The following NHEJ1 variants were observed in gnomAD, a reference collection of about 807,000 sequenced individuals.
NHEJ1 encodes the protein non-homologous end joining factor 1, also known as non-homologous end-joining factor 1.
In NHEJ1, 22 loss-of-function variants were observed where a neutral mutation model predicts 39.4. That is an observed-to-expected ratio of 0.56 (90% CI 0.40 to 0.80). The LOEUF is 0.80. Among genes scored for constraint, NHEJ1 ranks in the 30% least tolerant of loss-of-function variants. The pLI is 0.00. For synonymous variants in NHEJ1, 154 were observed against 135.6 expected, an observed-to-expected ratio of 1.14 and a Z score of -0.94; for missense variants, 329 against 357.1, an observed-to-expected ratio of 0.92 and a Z score of 0.63.
In NHEJ1 at chr2:219,070,127, C is replaced by T. The variant is rs567694808; in HGVS notation, c.*6254G>A. Among the ~76,000 whole-genome samples the T allele has an allele frequency of 7.2e-5, 11 of 152,360 alleles. No homozygotes were observed. In the East Asian group the frequency reaches 2.1e-3, roughly 29 times the overall value. The stretch of plus-strand genomic sequence containing the variant: ...AAACTGCCTGTGTTCAATAAGCCCA[C>T]AATCTGCCACAGCCTCCGGAGTACC... On this transcript the variant is annotated 3_prime_UTR_variant, in exon 8 of 8. Coordinates refer to ENST00000356853, the MANE Select transcript of NHEJ1 (RefSeq NM_024782.3).
At chr2:219,093,732 AGT>A (rs139163051) in intron 5 of NHEJ1, among the ~76,000 whole-genome samples, 3,138 of 152,342 alleles carry the variant, frequency 0.021, 42 homozygotes, top group Middle Eastern at 0.044. Flanking sequence ...GTGGGTATAT[AGT>A]GTTTGCTTTA....
chr2:219,107,301 T>A (rs147723864), intron 5 of NHEJ1, among the ~76,000 whole-genome samples: 1 of 152,144 alleles, frequency 6.6e-6, no homozygotes. Flanking sequence ...AGAAATCGAT[T>A]GATTGAAACC....
At chr2:219,112,779 C>G (rs1004727956) in intron 5 of NHEJ1, among the ~76,000 whole-genome samples, 1 of 152,262 alleles carries the variant, frequency 6.6e-6, no homozygotes, top group Admixed American at 6.5e-5. Context: ...CCTGAAACTT[C>G]GCCCTCTTTT....
At chr2:219,080,585 G>A (rs1157573186) in intron 5 of NHEJ1, among the ~76,000 whole-genome samples, 6 of 68,114 alleles carry the variant, frequency 8.8e-5, no homozygotes, top group Admixed American at 2.9e-4. Context: ...ATATATATAC[G>A]CTTATATATA....
intron 5 of NHEJ1, among the ~76,000 whole-genome samples, chr2:219,120,715 T>C (rs1949463444): frequency 6.6e-6 from 1 of 152,158 alleles, no homozygotes; most frequent in African/African-American, 2.4e-5. Context: ...TTGGGAAATA[T>C]GTGGGGCTCC....
chr2:219,147,555 G>T (rs1949753322), intron 4 of NHEJ1, 102 bp downstream of exon 4: 1 of 1,425,160 alleles, frequency 7.0e-7, no homozygotes, highest in Non-Finnish European at 9.9e-7. Flanking sequence ...CACCCATCCT[G>T]GGGGAGGCAC....
At chr2:219,153,498 G>A (rs1949817475) in intron 3 of NHEJ1, among the ~76,000 whole-genome samples, 1 of 152,212 alleles carries the variant, frequency 6.6e-6, no homozygotes, top group Non-Finnish European at 1.5e-5. Context: ...ACAGGAAAGA[G>A]TAAGAGATGA....
At chr2:219,158,064 A>G (rs929315837) in intron 2 of NHEJ1, 122 bp downstream of exon 2, 3 of 912,180 alleles carry the variant, frequency 3.3e-6, no homozygotes, top group African/African-American at 3.3e-5. Context: ...AAGTACAGGT[A>G]GAAGTACAGG....
intron 5 of NHEJ1, among the ~76,000 whole-genome samples, chr2:219,083,901 G>A (rs990557501): frequency 6.6e-6 from 1 of 152,006 alleles, no homozygotes; most frequent in African/African-American, 2.4e-5. Flanking sequence ...CTGATGATGT[G>A]AAAGTGACAG....
chr2:219,113,322 C>T (rs113681957), intron 5 of NHEJ1, among the ~76,000 whole-genome samples: 47 of 151,914 alleles, frequency 3.1e-4, no homozygotes, highest in Admixed American at 8.5e-4. Context: ...GCACCAAATA[C>T]GTGCTGAAGC....
At chr2:219,083,897 A>G (rs75034171) in intron 5 of NHEJ1, among the ~76,000 whole-genome samples, 2,935 of 152,082 alleles carry the variant, frequency 0.019, 109 homozygotes, top group African/African-American at 0.067. Context: ...TTTACTGATG[A>G]TGTGAAAGTG....
chr2:219,119,638 T>C (rs1949451876), intron 5 of NHEJ1, among the ~76,000 whole-genome samples: 2 of 152,176 alleles, frequency 1.3e-5, no homozygotes, highest in Admixed American at 1.3e-4. Flanking sequence ...CCACCTGCTG[T>C]CCTTTCATGA....
rs191316983 is a variant in NHEJ1 at position 219,082,011 on chromosome 2, G to T, written c.589-3805C>A. 1.4e-3 allele frequency among the ~76,000 whole-genome samples: 212 copies of T among 152,334 alleles called. 1 individual carries two copies. The highest frequency in any genetic ancestry group is 4.8e-3 in the African/African-American group (201 of 41,572). On this transcript the variant is annotated intron_variant, in intron 5 of 7. Transcript: ENST00000356853. Reference sequence around the variant, plus strand: ...GAATTTCTTTTTGTTTCATAAAGTGGCTTTCTCTACTCTACAACTGTTTGC... The same window carrying T: ...GAATTTCTTTTTGTTTCATAAAGTGTCTTTCTCTACTCTACAACTGTTTGC...
chr2:219,088,584 A>G (rs75067715), intron 5 of NHEJ1, among the ~76,000 whole-genome samples: 243 of 152,342 alleles, frequency 1.6e-3, no homozygotes, highest in Non-Finnish European at 2.9e-3. Context: ...GAAGCTCAAA[A>G]ACAAGCAAAA....
chr2:219,093,547 C>G (rs1949180239), intron 5 of NHEJ1, among the ~76,000 whole-genome samples: 2 of 152,128 alleles, frequency 1.3e-5, no homozygotes, highest in African/African-American at 4.8e-5. Flanking sequence ...TCCCACAAGA[C>G]AGATGTAGAT....
chr2:219,092,369 C>T (rs1375655047), intron 5 of NHEJ1, among the ~76,000 whole-genome samples: 1 of 151,886 alleles, frequency 6.6e-6, no homozygotes, highest in Admixed American at 6.6e-5. Flanking sequence ...TAAAACTAAT[C>T]TGTAATATTA....
chr2:219,152,167 G>T (rs1037857995), intron 3 of NHEJ1, among the ~76,000 whole-genome samples: 1 of 152,126 alleles, frequency 6.6e-6, no homozygotes, highest in African/African-American at 2.4e-5. Context: ...ACCCTATGAG[G>T]CCTCTGCCAT....
chr2:219,074,498 C>T lies in NHEJ1; in HGVS notation c.*1883G>A, dbSNP rs935823347. Among the ~76,000 whole-genome samples the T allele has an allele frequency of 6.6e-6, 1 of 152,162 alleles. No individual in the cohort carries two copies. The highest frequency in any genetic ancestry group is 1.5e-5 in the Non-Finnish European group (1 of 68,028). Reference sequence around the variant, plus strand: ...GTGGCTCAAACGTGTAATCCCAGCACTTTGGGAGGCCGAGGCAGGTAGATC... The same window carrying T: ...GTGGCTCAAACGTGTAATCCCAGCATTTTGGGAGGCCGAGGCAGGTAGATC... On this transcript the variant is annotated 3_prime_UTR_variant, in exon 8 of 8. Transcript: ENST00000356853.
rs1314535895 is a variant in NHEJ1, at chr2:219,111,460, A to AT, written c.589-33255_589-33254insA. On this transcript the variant is annotated intron_variant, in intron 5 of 7. Coordinates refer to ENST00000356853, the MANE Select transcript of NHEJ1 (RefSeq NM_024782.3). This position sits in a 1 kb window ranked among gnomAD's most constrained non-coding sequence, Gnocchi z 4.1. ...TTAGCATTACAGAATACTAATAAAC[A>AT]GTCTTCTCTGTCCCCTGACCCCTAG... Among the ~76,000 whole-genome samples the AT allele has an allele frequency of 6.6e-6, 1 of 152,222 alleles. No individual in the cohort carries two copies.
Sources: gnomAD v4.1 joint callset for allele counts (sites outside exome capture counted in the v4.1 genomes callset) on GRCh38, gnomAD v4.1.1 for gene constraint, Gnocchi (gnomAD v3.1) non-coding constraint, MANE v1.5 for transcripts, NCBI Gene and HGNC (gene_info 2026-07-23, HGNC 2026-07-21) for gene names.